CTNND2: variants seen among roughly 807,000 people sequenced by gnomAD.
CTNND2 encodes the protein catenin delta 2.
In CTNND2, 22 loss-of-function variants were observed where a neutral mutation model predicts 144.4. The ratio of observed to expected loss-of-function variants is 0.15; its 90% CI spans 0.11 to 0.22. CTNND2 has a LOEUF of 0.22. Among genes scored for constraint, CTNND2 ranks in the 10% least tolerant of loss-of-function variants. CTNND2 has a pLI of 1.00. For synonymous variants in CTNND2, 751 were observed against 695.6 expected (o/e 1.08, Z -1.25); for missense variants, 1,353 against 1,618.8 (o/e 0.84, Z 2.82).
At chr5:11,569,570 G>A (rs1182452186) in intron 2 of CTNND2, among the ~76,000 whole-genome samples, 1 of 152,018 alleles carries the variant, frequency 6.6e-6, no homozygotes, top group Admixed American at 6.6e-5. Context: ...GGGGGACTTA[G>A]CTAACTTAGT....
intron 18 of CTNND2, among the ~76,000 whole-genome samples, chr5:10,996,318 G>T (rs1480295581): frequency 6.6e-6 from 1 of 152,178 alleles, no homozygotes; most frequent in East Asian, 1.9e-4. Context: ...GTGGGCTTAT[G>T]AGGGCCACAG....
At chr5:11,191,122 A>G (rs1736197546) in intron 11 of CTNND2, among the ~76,000 whole-genome samples, 1 of 152,208 alleles carries the variant, frequency 6.6e-6, no homozygotes, top group African/African-American at 2.4e-5. Flanking sequence ...GAGCAAGCAG[A>G]GACAGTGGCC....
intron 2 of CTNND2, among the ~76,000 whole-genome samples, chr5:11,688,678 G>C (rs1323316759): frequency 3.9e-5 from 6 of 152,170 alleles, no homozygotes; most frequent in Non-Finnish European, 8.8e-5. Flanking sequence ...GTGACGAGTG[G>C]AAGTCTCAGT....
intron 2 of CTNND2, among the ~76,000 whole-genome samples, chr5:11,641,967 C>A (rs1782089312): frequency 6.6e-6 from 1 of 152,158 alleles, no homozygotes; most frequent in African/African-American, 2.4e-5. Flanking sequence ...ATTCCCTTTT[C>A]TTTACGGTGC....
At chr5:11,262,739 G>A (rs1745007896) in intron 9 of CTNND2, among the ~76,000 whole-genome samples, 1 of 126,492 alleles carries the variant, frequency 7.9e-6, no homozygotes, top group South Asian at 2.7e-4. Flanking sequence ...TCCAGCCTGG[G>A]TGACAGAGTA....
intron 2 of CTNND2, among the ~76,000 whole-genome samples, chr5:11,639,173 G>A (rs1463552229): frequency 1.3e-5 from 2 of 152,124 alleles, no homozygotes; most frequent in Admixed American, 6.5e-5. Flanking sequence ...AGTGGGCAGA[G>A]GGCAGAAAGG....
intron 2 of CTNND2, among the ~76,000 whole-genome samples, chr5:11,617,732 A>T (rs1411122521): frequency 6.6e-6 from 1 of 152,214 alleles, no homozygotes; most frequent in Non-Finnish European, 1.5e-5. Context: ...AAGGGCACAC[A>T]CTGGGTCAAA....
intron 2 of CTNND2, among the ~76,000 whole-genome samples, chr5:11,710,271 C>G (rs1169246480): frequency 6.6e-6 from 1 of 152,044 alleles, no homozygotes; most frequent in African/African-American, 2.4e-5. Context: ...GGCTGGGTGC[C>G]GTGGCTCACA....
chr5:11,022,905 T>C lies in CTNND2; in HGVS notation c.2863A>G (p.Met955Val). The change falls in exon 17 of 22, where the codon ATG becomes GTG. Residue 955 changes from methionine to valine, a missense_variant. Met to Val is a conservative substitution (Grantham distance 21). Around this residue, in one of 4 missense-constraint regions of CTNND2, gnomAD observed 459 missense variants for 674.3 expected, o/e 0.68. Transcript: ENST00000304623. ...NNSNNTASKA[M>V]SDDTVTAVCC... ...ACAGCTGTCACTGTGTCATCCGACA[T>C]GGCCTTGCTTGCAGTGTTGTTGCTG... The C allele has an allele frequency of 6.2e-7, 1 of 1,614,252 alleles. No individual in the cohort carries two copies. Among genetic ancestry groups the C allele is most frequent in the Non-Finnish European group, 8.5e-7 (1 of 1,180,040 alleles).
intron 15 of CTNND2, 139 bp from the exon 16 acceptor site, chr5:11,082,985 A>C: frequency 2.2e-6 from 2 of 926,208 alleles, no homozygotes; most frequent in Non-Finnish European, 3.2e-6. Context: ...AATGGGTTGA[A>C]TACGTTAGAC....
chr5:11,872,919 C>T (rs1735267229), intron 1 of CTNND2, among the ~76,000 whole-genome samples: 1 of 152,136 alleles, frequency 6.6e-6, no homozygotes, highest in Non-Finnish European at 1.5e-5. Context: ...TAGGCAATAC[C>T]ATTCAGGACA....
At chr5:11,600,645 C>T (rs990527591) in intron 2 of CTNND2, among the ~76,000 whole-genome samples, 3 of 147,092 alleles carry the variant, frequency 2.0e-5, no homozygotes, top group Non-Finnish European at 4.5e-5. Flanking sequence ...GGCAGAGGTT[C>T]CAATAAGCCA....
Position 11,457,103 on chromosome 5 carries a change from T to C in CTNND2, c.288-45034A>G, listed in dbSNP as rs184217642. 8.8e-4 allele frequency among the ~76,000 whole-genome samples: 134 copies of C among 152,318 alleles called. 1 individual carries two copies. Among genetic ancestry groups the C allele is most frequent in the Non-Finnish European group, 1.3e-3 (86 of 68,020 alleles). ...ATTTTCACCTTATTTATTTCTTTTT[T>C]ATAACAAATCTTTGAGAGTGAGGTG... On this transcript the variant is annotated intron_variant, in intron 3 of 21. Coordinates refer to ENST00000304623, the MANE Select transcript of CTNND2 (RefSeq NM_001332.4).
intron 2 of CTNND2, among the ~76,000 whole-genome samples, chr5:11,661,415 TTC>T (rs1236135016): frequency 3.3e-5 from 5 of 152,292 alleles, no homozygotes; most frequent in Middle Eastern, 3.4e-3. Flanking sequence ...ACTATTTCAG[TTC>T]TGTTACTTTT....
In CTNND2 at chr5:11,117,587, G is replaced by T; in HGVS notation, c.2160-20C>A. 1 of 1,583,688 alleles carries T rather than the reference G, an allele frequency of 6.3e-7. No homozygotes were observed. Among genetic ancestry groups the T allele is most frequent in the Non-Finnish European group, 8.7e-7 (1 of 1,152,326 alleles). ...ACATTCCTGCAAAGCAAAAGGACACGTCAGCGATCTTCACGGTTGTCACCA... is the reference window on the plus strand; with the variant it reads ...ACATTCCTGCAAAGCAAAAGGACACTTCAGCGATCTTCACGGTTGTCACCA... On this transcript the variant is annotated intron_variant, in intron 12 of 21. Coordinates refer to ENST00000304623, the MANE Select transcript of CTNND2 (RefSeq NM_001332.4).
chr5:10,997,112 G>A (rs968768216), intron 18 of CTNND2, among the ~76,000 whole-genome samples: 1 of 152,078 alleles, frequency 6.6e-6, no homozygotes, highest in African/African-American at 2.4e-5. Context: ...CTTAGGGAAG[G>A]GTGGGGGTGG....
rs551196333 is a variant in CTNND2, at chr5:11,371,000, A to G, written c.1178-6110T>C. 6.6e-5 allele frequency among the ~76,000 whole-genome samples: 10 copies of G among 152,396 alleles called. 1 individual carries two copies. In the South Asian group the frequency reaches 2.1e-3, roughly 32 times the overall value. On this transcript the variant is annotated intron_variant, in intron 7 of 21. Transcript: ENST00000304623. ...GTTAATGCACTGATAATTATTAACG[A>G]AACTACAACTTTGAAGGGCAAAAGG...
At chr5:11,239,379 G>C (rs1172583522) in intron 9 of CTNND2, among the ~76,000 whole-genome samples, 1 of 152,174 alleles carries the variant, frequency 6.6e-6, no homozygotes, top group Non-Finnish European at 1.5e-5. Context: ...TAGGTCAAAA[G>C]AAAGGCTGCT....
chr5:11,871,943 CAT>C (rs772326224), intron 1 of CTNND2, among the ~76,000 whole-genome samples: 24 of 152,252 alleles, frequency 1.6e-4, no homozygotes, highest in Admixed American at 7.8e-4. Flanking sequence ...TTCTGGGACA[CAT>C]GTGCAGAATA....
Sources: allele counts gnomAD v4.1 joint callset (sites outside exome capture counted in the v4.1 genomes callset), GRCh38; gene constraint gnomAD v4.1.1; regional missense constraint gnomAD v4.1.1; transcripts MANE v1.5; gene names NCBI Gene and HGNC (gene_info 2026-07-23, HGNC 2026-07-21).